GAP43: variants seen among roughly 807,000 people sequenced by gnomAD.
GAP43 encodes the protein neuromodulin.
A neutral mutation model predicts 18.6 loss-of-function variants in GAP43; 6 were observed. The ratio of observed to expected loss-of-function variants is 0.32; its 90% CI spans 0.18 to 0.64. The LOEUF is 0.64. Among genes scored for constraint, GAP43 ranks in the 30% least tolerant of loss-of-function variants. The pLI, the probability that GAP43 is intolerant of heterozygous loss-of-function variation, is 0.78. For synonymous variants in GAP43, 115 were observed against 111.4 expected (o/e 1.03, Z -0.20); for missense variants, 292 against 295.5 (o/e 0.99, Z 0.09).
chr3:115,716,803 C>T (rs1709514733), intron 2 of GAP43, among the ~76,000 whole-genome samples: 1 of 120,480 alleles, frequency 8.3e-6, no homozygotes, highest in Non-Finnish European at 1.7e-5. Context: ...TTTATATGTT[C>T]CAGCTAACTG....
chr3:115,702,236 A>G (rs1709305434), intron 2 of GAP43, among the ~76,000 whole-genome samples: 3 of 152,152 alleles, frequency 2.0e-5, no homozygotes, highest in African/African-American at 7.2e-5. Context: ...CATGATAAAG[A>G]AAGTAATATG....
intron 1 of GAP43, among the ~76,000 whole-genome samples, chr3:115,669,447 T>C (rs912702386): frequency 6.6e-6 from 1 of 152,214 alleles, no homozygotes; most frequent in African/African-American, 2.4e-5. Flanking sequence ...TAATTGAGCA[T>C]CTACTTTGTG....
chr3:115,716,752 A>G (rs1278244166), intron 2 of GAP43, among the ~76,000 whole-genome samples: 1 of 128,654 alleles, frequency 7.8e-6, no homozygotes, highest in Non-Finnish European at 1.7e-5. Flanking sequence ...ATATATATAT[A>G]TATATATATA....
chr3:115,682,655 A>G (rs1470816927), intron 2 of GAP43, among the ~76,000 whole-genome samples: 2 of 151,818 alleles, frequency 1.3e-5, no homozygotes, highest in Admixed American at 6.6e-5. Context: ...TCCTGCCTCA[A>G]CCTCCCTAGT....
chr3:115,689,130 T>C (rs1709070897), intron 2 of GAP43, among the ~76,000 whole-genome samples: 3 of 152,354 alleles, frequency 2.0e-5, no homozygotes, highest in Admixed American at 2.0e-4. Flanking sequence ...TCCATTTGAA[T>C]GTCCCTTACT....
chr3:115,663,693 C>A, intron 1 of GAP43: 4 of 1,496,174 alleles, frequency 2.7e-6, no homozygotes, highest in Non-Finnish European at 3.6e-6. Flanking sequence ...AAAGAGATCT[C>A]AAAACAGGAA....
chr3:115,708,837 A>G (rs1339453547), intron 2 of GAP43, among the ~76,000 whole-genome samples: 1 of 152,056 alleles, frequency 6.6e-6, no homozygotes, highest in Non-Finnish European at 1.5e-5. Flanking sequence ...AACAGCATCT[A>G]CTACAAGGAA....
chr3:115,635,081 TG>T (rs1323762584), intron 1 of GAP43, among the ~76,000 whole-genome samples: 3 of 152,144 alleles, frequency 2.0e-5, no homozygotes, highest in Non-Finnish European at 4.4e-5. Flanking sequence ...AAATCCAAAC[TG>T]GGAGTTTGAT....
intron 1 of GAP43, among the ~76,000 whole-genome samples, chr3:115,672,924 C>T (rs149746366): frequency 3.6e-4 from 55 of 152,200 alleles, no homozygotes; most frequent in Non-Finnish European, 8.8e-5. Flanking sequence ...GAGCTACATG[C>T]GTGTGGAGTA....
chr3:115,689,012 G>T (rs1709069432), intron 2 of GAP43, among the ~76,000 whole-genome samples: 1 of 152,114 alleles, frequency 6.6e-6, no homozygotes, highest in Non-Finnish European at 1.5e-5. Context: ...CTTTCTTAAG[G>T]TCTCTTGAAT....
At chr3:115,715,529 A>T (rs1709492510) in intron 2 of GAP43, among the ~76,000 whole-genome samples, 1 of 152,094 alleles carries the variant, frequency 6.6e-6, no homozygotes, top group African/African-American at 2.4e-5. Flanking sequence ...GTGACTATTT[A>T]CTCTAAATGG....
intron 2 of GAP43, among the ~76,000 whole-genome samples, chr3:115,684,244 T>G (rs1013689484): frequency 1.3e-5 from 2 of 152,132 alleles, no homozygotes; most frequent in African/African-American, 4.8e-5. Context: ...TTTTCCAGTA[T>G]GAGTTAGTAG....
intron 2 of GAP43, among the ~76,000 whole-genome samples, chr3:115,696,560 T>C (rs1256534744): frequency 2.2e-5 from 3 of 138,678 alleles, no homozygotes; most frequent in African/African-American, 5.9e-5. Flanking sequence ...AATACTGATT[T>C]CCTTGCTGCC....
At chr3:115,677,474 A>C (rs1207778891) in intron 2 of GAP43, among the ~76,000 whole-genome samples, 1 of 152,150 alleles carries the variant, frequency 6.6e-6, no homozygotes, top group Non-Finnish European at 1.5e-5. Flanking sequence ...TTGGAATAGA[A>C]TATTCCCAGA....
chr3:115,669,968 TTTA>T (rs1160955544), intron 1 of GAP43, among the ~76,000 whole-genome samples: 3 of 141,946 alleles, frequency 2.1e-5, no homozygotes, highest in Non-Finnish European at 3.0e-5. Context: ...TCTTTTTATT[TTTA>T]TTTTTTTTTT....
chr3:115,720,927 A>G lies in GAP43; in HGVS notation c.*45A>G, dbSNP rs1220457567. The stretch of plus-strand genomic sequence containing the variant: ...CACATCCCCACCCTCCCCTCTCCTG[A>G]GCCTGTCTCTCCCTACCCTCTTCTC... On this transcript the variant is annotated 3_prime_UTR_variant, in exon 3 of 3. Transcript: ENST00000305124. 2 of 1,330,920 alleles carry G rather than the reference A, an allele frequency of 1.5e-6. No individual in the cohort carries two copies. Among genetic ancestry groups the G allele is most frequent in the South Asian group, 1.2e-5 (1 of 83,388 alleles). The allele number at this position is 1,330,920 out of a possible 1,614,324, so 82.4% of individuals were successfully genotyped here.
At chr3:115,678,467 G>C (rs1708921055) in intron 2 of GAP43, among the ~76,000 whole-genome samples, 1 of 152,002 alleles carries the variant, frequency 6.6e-6, no homozygotes, top group Admixed American at 6.5e-5. Flanking sequence ...GTTTTATTAT[G>C]TTTCAGGTTA....
intron 2 of GAP43, among the ~76,000 whole-genome samples, chr3:115,679,244 T>C (rs1708929246): frequency 6.6e-6 from 1 of 152,170 alleles, no homozygotes; most frequent in Non-Finnish European, 1.5e-5. Flanking sequence ...ATAATTTCTG[T>C]GAATATCAGG....
At chr3:115,664,978 T>A (rs1708715072) in intron 1 of GAP43, among the ~76,000 whole-genome samples, 1 of 152,164 alleles carries the variant, frequency 6.6e-6, no homozygotes, top group Non-Finnish European at 1.5e-5. Context: ...ATGTACTTGC[T>A]CTTTTTATTT....
Sources: gnomAD v4.1 joint callset for allele counts (sites outside exome capture counted in the v4.1 genomes callset) on GRCh38, gnomAD v4.1.1 for gene constraint, MANE v1.5 for transcripts, NCBI Gene and HGNC (gene_info 2026-07-23, HGNC 2026-07-21) for gene names.